GABRB2: variants seen among roughly 807,000 people sequenced by gnomAD.
GABRB2 encodes the protein gamma-aminobutyric acid type A receptor subunit beta2.
In GABRB2, 16 loss-of-function variants were observed where a neutral mutation model predicts 54.7. The ratio of observed to expected loss-of-function variants is 0.29; its 90% confidence interval spans 0.20 to 0.44. The LOEUF is 0.44. Ranked by LOEUF, GABRB2 falls within the 20% of genes least tolerant of loss-of-function variation. GABRB2 has a pLI of 1.00. For missense variants in GABRB2, 355 were observed against 644.0 expected, an observed-to-expected ratio of 0.55 and a Z score of 4.86; for synonymous variants, 244 against 233.8, an observed-to-expected ratio of 1.04 and a Z score of -0.40.
chr5:161,492,434 A>C (rs1254334519), intron 3 of GABRB2, among the ~76,000 whole-genome samples: 1 of 151,678 alleles, frequency 6.6e-6, no homozygotes, highest in Non-Finnish European at 1.5e-5. Flanking sequence ...TCTTCTTGCT[A>C]ATCATCCCAT....
intron 7 of GABRB2, among the ~76,000 whole-genome samples, chr5:161,333,910 G>A (rs1753920920): frequency 6.6e-6 from 1 of 152,084 alleles, no homozygotes; most frequent in Admixed American, 6.5e-5. Context: ...TTACCACATT[G>A]TATAATTTAT....
chr5:161,449,109 T>C (rs2113229999), intron 4 of GABRB2, among the ~76,000 whole-genome samples: 1 of 152,296 alleles, frequency 6.6e-6, no homozygotes, highest in Middle Eastern at 3.4e-3. Context: ...ACCTGCTTTC[T>C]CAAGAGTCTT....
chr5:161,374,293 A>G (rs1755220276), intron 5 of GABRB2, among the ~76,000 whole-genome samples: 1 of 152,126 alleles, frequency 6.6e-6, no homozygotes, highest in Non-Finnish European at 1.5e-5. Context: ...TGCCTTCTTG[A>G]TATTTCATCT....
Position 161,290,050 on chromosome 5 carries a change from G to A in GABRB2, c.*4031C>T, listed in dbSNP as rs781319079. 4 of 152,318 alleles carry A rather than the reference G, an allele frequency of 2.6e-5. No homozygotes were observed. The highest frequency in any genetic ancestry group is 4.8e-5 in the African/African-American group (2 of 41,348). The allele number at this position is 152,318 out of a possible 1,614,324, so 9.4% of individuals were successfully genotyped here. ...TAACACATCAACTTAAGCCATAAAC[G>A]GAATTAGCACATTGCCTTACCATAA... On this transcript the variant is annotated 3_prime_UTR_variant, in exon 10 of 10. Transcript: ENST00000393959.
intron 3 of GABRB2, among the ~76,000 whole-genome samples, chr5:161,536,049 T>A (rs1581066473): frequency 6.6e-6 from 1 of 152,244 alleles, no homozygotes; most frequent in East Asian, 1.9e-4. Flanking sequence ...GATGAGGACC[T>A]CACCAGATGC....
intron 3 of GABRB2, among the ~76,000 whole-genome samples, chr5:161,465,351 T>A (rs1758249513): frequency 6.6e-6 from 1 of 152,082 alleles, no homozygotes; most frequent in African/African-American, 2.4e-5. Context: ...GCCACCATAA[T>A]GGTTATAGGC....
intron 6 of GABRB2, among the ~76,000 whole-genome samples, 179 bp from the exon 7 acceptor site, chr5:161,335,083 T>G (rs1753953659): frequency 6.6e-6 from 1 of 152,162 alleles, no homozygotes; most frequent in Non-Finnish European, 1.5e-5. Flanking sequence ...AGTTACTCAG[T>G]GTGGAATGCA....
intron 3 of GABRB2, among the ~76,000 whole-genome samples, chr5:161,541,085 A>G (rs955236312): frequency 1.3e-5 from 2 of 151,608 alleles, no homozygotes; most frequent in African/African-American, 4.9e-5. Context: ...GGCTCAAGGT[A>G]TTTGCCGGCC....
At chr5:161,349,834 C>T (rs1002323755) in intron 5 of GABRB2, among the ~76,000 whole-genome samples, 4 of 152,052 alleles carry the variant, frequency 2.6e-5, no homozygotes, top group African/African-American at 4.8e-5. Flanking sequence ...GGCTTTCAAA[C>T]GAGACCATAG....
intron 5 of GABRB2, among the ~76,000 whole-genome samples, chr5:161,392,998 A>G (rs1755876590): frequency 6.6e-6 from 1 of 152,050 alleles, no homozygotes; most frequent in Non-Finnish European, 1.5e-5. Flanking sequence ...CAATTCTGGG[A>G]GAAAATTCTT....
intron 5 of GABRB2, among the ~76,000 whole-genome samples, chr5:161,376,766 C>T (rs989351): frequency 0.011 from 1,731 of 152,192 alleles, 9 homozygotes; most frequent in Non-Finnish European, 0.017. Flanking sequence ...TCCTGCAATG[C>T]ATTTTAATTA....
chr5:161,394,683 C>A (rs74352721), intron 5 of GABRB2, among the ~76,000 whole-genome samples: 1 of 152,032 alleles, frequency 6.6e-6, no homozygotes, highest in Non-Finnish European at 1.5e-5. Context: ...TTTAAAGTCC[C>A]ATATCTGTTA....
intron 9 of GABRB2, among the ~76,000 whole-genome samples, chr5:161,305,091 ACT>A (rs1757649170): frequency 7.5e-6 from 1 of 133,786 alleles, no homozygotes; most frequent in Admixed American, 9.5e-5. Context: ...ATCTCGGCTC[ACT>A]GCAAGCTCCG....
chr5:161,390,287 G>A (rs2113033048), intron 5 of GABRB2, among the ~76,000 whole-genome samples: 1 of 152,098 alleles, frequency 6.6e-6, no homozygotes, highest in Non-Finnish European at 1.5e-5. Context: ...CTAATGATGA[G>A]AAAATACCAG....
rs1435225810 is a variant in GABRB2 at position 161,293,039 on chromosome 5, C to T, written c.*1042G>A. The stretch of plus-strand genomic sequence containing the variant: ...GCTGACTTCGTCTGAGAAAAACAAT[C>T]TGTTTGCTAGTTTGTGCTCTGTATT... On this transcript the variant is annotated 3_prime_UTR_variant, in exon 10 of 10. Transcript: ENST00000393959. The T allele has an allele frequency of 6.6e-6, 1 of 152,182 alleles. No individual in the cohort carries two copies. The highest frequency in any genetic ancestry group is 1.5e-5 in the Non-Finnish European group (1 of 68,028). 9.4% of individuals were successfully genotyped at this position (152,182 alleles called of 1,614,324 possible).
intron 5 of GABRB2, among the ~76,000 whole-genome samples, chr5:161,395,280 T>C (rs968955872): frequency 1.3e-5 from 2 of 152,064 alleles, no homozygotes; most frequent in African/African-American, 4.8e-5. Flanking sequence ...TATCTTTCCA[T>C]AGTTTGAAGA....
intron 9 of GABRB2, among the ~76,000 whole-genome samples, chr5:161,314,207 G>A (rs2113369566): frequency 6.6e-6 from 1 of 152,364 alleles, no homozygotes; most frequent in East Asian, 1.9e-4. Flanking sequence ...GGCAGCTGGG[G>A]TTAGCAGGCT....
intron 9 of GABRB2, among the ~76,000 whole-genome samples, chr5:161,305,596 GGAGA>G (rs1479911188): frequency 3.9e-5 from 6 of 152,148 alleles, no homozygotes; most frequent in Non-Finnish European, 8.8e-5. Flanking sequence ...CTCCCAACCT[GGAGA>G]GAGATAACTG....
chr5:161,371,046 C>T (rs1755115941), intron 5 of GABRB2, among the ~76,000 whole-genome samples: 2 of 152,114 alleles, frequency 1.3e-5, no homozygotes, highest in African/African-American at 4.8e-5. Flanking sequence ...TCACTTCTTC[C>T]TCCTCTTAGC....
Sources: allele counts gnomAD v4.1 joint callset (sites outside exome capture counted in the v4.1 genomes callset), GRCh38; gene constraint gnomAD v4.1.1; transcripts MANE v1.5; gene names NCBI Gene and HGNC (gene_info 2026-07-23, HGNC 2026-07-21).